Variants in KIF20B observed in about 807,000 individuals in gnomAD.
The protein encoded by KIF20B is kinesin-like protein KIF20B.
A neutral mutation model predicts 232.5 loss-of-function variants in KIF20B; 188 were observed. That is an observed-to-expected ratio of 0.81 (90% CI 0.72 to 0.91). The LOEUF (loss-of-function observed/expected upper bound fraction) is 0.91. KIF20B is among the 40% of genes least tolerant of loss of function. The pLI, the probability that KIF20B is intolerant of heterozygous loss-of-function variation, is 0.00. For synonymous variants in KIF20B, 712 were observed against 683.0 expected (o/e 1.04, Z -0.66); for missense variants, 2,154 against 2,055.9 (o/e 1.05, Z -0.92).
At chr10:89,754,874 C>T (rs1842090337) in intron 26 of KIF20B, among the ~76,000 whole-genome samples, 2 of 152,146 alleles carry the variant, frequency 1.3e-5, no homozygotes, top group African/African-American at 4.8e-5. Flanking sequence ...GTTGATTTAG[C>T]ATGTTGGGAG....
intron 22 of KIF20B, among the ~76,000 whole-genome samples, chr10:89,745,308 A>G (rs1423702996): frequency 6.6e-6 from 1 of 152,222 alleles, no homozygotes; most frequent in African/African-American, 2.4e-5. Flanking sequence ...ACGGATCACA[A>G]GGTCAGGAGA....
chr10:89,736,158 A>G (rs1165607390), intron 19 of KIF20B, among the ~76,000 whole-genome samples: 1 of 152,188 alleles, frequency 6.6e-6, no homozygotes, highest in Non-Finnish European at 1.5e-5. Flanking sequence ...ATAAACATCA[A>G]ACCATGAAGT....
chr10:89,712,102 A>G (rs1188188444), intron 6 of KIF20B, among the ~76,000 whole-genome samples: 2 of 151,718 alleles, frequency 1.3e-5, no homozygotes, highest in Admixed American at 6.6e-5. Flanking sequence ...TTGTCCATTT[A>G]TCTAGTATTG....
At chr10:89,733,206 C>T (rs1228181308) in intron 19 of KIF20B, 150 bp downstream of exon 19, 18 of 723,522 alleles carry the variant, frequency 2.5e-5, no homozygotes, top group East Asian at 1.1e-4. Context: ...GAAAGTTATA[C>T]ATTTTCTAGG....
chr10:89,758,136 A>G lies in KIF20B; in HGVS notation c.4504-570A>G, dbSNP rs539947396. Reference sequence around the variant, plus strand: ...TTTCCATTTCCACACACATTCACACATACCTGAATTTTGATAAAAACTGCT... The same window carrying G: ...TTTCCATTTCCACACACATTCACACGTACCTGAATTTTGATAAAAACTGCT... On this transcript the variant is annotated intron_variant, in intron 26 of 32. Transcript: ENST00000371728. 5.3e-3 allele frequency among the ~76,000 whole-genome samples: 804 copies of G among 152,118 alleles called. 4 individuals carry two copies. Among genetic ancestry groups the G allele is most frequent in the Non-Finnish European group, 9.7e-3 (662 of 67,904 alleles).
rs151068575 is a variant in KIF20B at position 89,737,247 on chromosome 10, C to A, written c.2546-140C>A. 647 of 948,108 alleles carry A rather than the reference C, an allele frequency of 6.8e-4. 4 individuals are homozygous for A. The African/African-American group carries it at 0.011, about 16-fold the overall frequency. 58.7% of individuals were successfully genotyped at this position (948,108 alleles called of 1,614,324 possible). A position where few individuals can be genotyped will look rare whatever the true frequency, so the allele number is the denominator to read the frequency against. On this transcript the variant is annotated intron_variant, in intron 19 of 32. Coordinates refer to ENST00000371728, the MANE Select transcript of KIF20B (RefSeq NM_001284259.2). ...TTTAAAACCTGTTTTTTCTTTTTTT[C>A]TCAACAGCTTATTTCATTTTTTTTT...
At chr10:89,723,422 G>A (rs1843110283) in intron 13 of KIF20B, among the ~76,000 whole-genome samples, 2 of 152,144 alleles carry the variant, frequency 1.3e-5, no homozygotes, top group Non-Finnish European at 2.9e-5. Context: ...TTGACATCTG[G>A]ATAGTTATAA....
At chr10:89,724,973 A>C (rs540937447) in intron 14 of KIF20B, 47 bp from the exon 15 acceptor site, 1 of 1,570,636 alleles carries the variant, frequency 6.4e-7, no homozygotes, top group African/African-American at 1.4e-5. Context: ...AAAAACACAA[A>C]GTAGTTCGTT....
At chr10:89,751,292 A>C (rs1842017118) in intron 23 of KIF20B, 54 bp from the exon 24 acceptor site, 1 of 1,324,824 alleles carries the variant, frequency 7.5e-7, no homozygotes, top group African/African-American at 2.0e-5. Flanking sequence ...AACTTAAGAA[A>C]AATTGGATAT....
rs372743403 is a variant in KIF20B, at chr10:89,762,777, C to T, written c.4931C>T (p.Thr1644Ile). 6.2e-7 allele frequency: 1 copy of T among 1,613,262 alleles called. No individual in the cohort carries two copies. The highest frequency in any genetic ancestry group is 1.1e-5 in the South Asian group (1 of 91,062). ...KMAVKHPGCT[T>I]PVTVKIPKAR... ...GCAGTGAAACACCCTGGTTGTACCA[C>T]ACCAGTGACAGTTAAGATTCCCAAG... Residue 1644 changes from threonine (T) to isoleucine (I), a missense_variant, in exon 29 of 33, where the codon ACA (threonine) becomes ATA (isoleucine). Physicochemically the swap from Thr to Ile is moderately conservative, Grantham distance 89 (BLOSUM62 -1). Coordinates refer to ENST00000371728, the MANE Select transcript of KIF20B (RefSeq NM_001284259.2).
chr10:89,758,939 C>CT (rs1206440870), intron 27 of KIF20B, 57 bp downstream of exon 27: 1 of 1,087,504 alleles, frequency 9.2e-7, no homozygotes, highest in African/African-American at 1.6e-5. Flanking sequence ...ACTTAATTGA[C>CT]TAACTCTTAA....
intron 16 of KIF20B, among the ~76,000 whole-genome samples, chr10:89,727,655 T>A (rs1377811765): frequency 6.6e-6 from 1 of 152,192 alleles, no homozygotes; most frequent in Non-Finnish European, 1.5e-5. Flanking sequence ...TAGAAGTGGC[T>A]TTTTCTGAAA....
chr10:89,739,034 T>A lies in KIF20B; in HGVS notation c.3853T>A (p.Tyr1285Asn). 1.2e-6 allele frequency: 2 copies of A among 1,613,498 alleles called. No individual in the cohort carries two copies. Among genetic ancestry groups the A allele is most frequent in the Non-Finnish European group, 1.7e-6 (2 of 1,179,610 alleles). Residue 1285 changes from tyrosine to asparagine, a missense_variant, in exon 21 of 33, where the codon TAT (tyrosine) becomes AAT (asparagine). Tyr to Asn is a moderately radical substitution (Grantham distance 143). Coordinates refer to ENST00000371728, the MANE Select transcript of KIF20B (RefSeq NM_001284259.2). ...KADLQRKEED[Y>N]ADLKEKLTDA... is the part of the protein sequence containing the mutation. ...AGATCTTCAGAGGAAGGAAGAAGAT[T>A]ATGCTGACCTGAAAGAGAAACTGAC...
intron 23 of KIF20B, among the ~76,000 whole-genome samples, chr10:89,749,560 TAC>T (rs1373931298): frequency 1.3e-5 from 2 of 152,124 alleles, no homozygotes; most frequent in Non-Finnish European, 2.9e-5. Flanking sequence ...TCAGCAATCA[TAC>T]CCCATTCACC....
chr10:89,717,393 G>T, intron 9 of KIF20B, 31 bp from the exon 10 acceptor site: 1 of 1,354,384 alleles, frequency 7.4e-7, no homozygotes, highest in South Asian at 1.3e-5. Context: ...AATTAAAAAT[G>T]ATAAGATAAC....
intron 1 of KIF20B, among the ~76,000 whole-genome samples, chr10:89,704,712 C>G (rs1159604092): frequency 6.6e-6 from 1 of 152,054 alleles, no homozygotes; most frequent in South Asian, 2.1e-4. Context: ...CCTGGCACCA[C>G]GCCTGGCTAA....
intron 31 of KIF20B, among the ~76,000 whole-genome samples, chr10:89,769,365 A>C (rs1842424906): frequency 6.6e-6 from 1 of 151,990 alleles, no homozygotes; most frequent in African/African-American, 2.4e-5. Context: ...TTATCACTAG[A>C]GACAGAAACT....
intron 14 of KIF20B, 76 bp downstream of exon 14, chr10:89,724,179 T>G (rs1383385897): frequency 7.7e-7 from 1 of 1,295,608 alleles, no homozygotes; most frequent in Non-Finnish European, 1.0e-6. Context: ...TTACTTAGTT[T>G]ACTTTTTATA....
intron 19 of KIF20B, among the ~76,000 whole-genome samples, chr10:89,736,836 T>G (rs1488923356): frequency 6.6e-6 from 1 of 152,126 alleles, no homozygotes; most frequent in Non-Finnish European, 1.5e-5. Context: ...ATGAAGCAGT[T>G]TATTAATGGT....
Sources: gnomAD v4.1 joint callset for allele counts (sites outside exome capture counted in the v4.1 genomes callset) on GRCh38, gnomAD v4.1.1 for gene constraint, MANE v1.5 for transcripts, NCBI Gene and HGNC (gene_info 2026-07-23, HGNC 2026-07-21) for gene names.